The following RPS6KC1 variants were observed in gnomAD, a reference collection of about 807,000 sequenced individuals.
The protein encoded by RPS6KC1 is inactive ribosomal protein S6 kinase delta-1.
Under a neutral mutation model 103.8 loss-of-function variants are expected in RPS6KC1, and 54 were observed. The observed-to-expected ratio is 0.52, with a 90% CI of 0.42 to 0.65. The LOEUF (loss-of-function observed/expected upper bound fraction) is 0.65, where lower values mean the gene tolerates loss of function less well. Among genes scored for constraint, RPS6KC1 ranks in the 30% least tolerant of loss-of-function variants. RPS6KC1 has a pLI of 0.00. For synonymous variants in RPS6KC1, 439 were observed against 438.7 expected (o/e 1.00, Z -0.01); for missense variants, 1,151 against 1,253.8 (o/e 0.92, Z 1.24).
chr1:213,765,932 A>G, the RPS6KC1 span, among the ~76,000 whole-genome samples: 1 of 152,172 alleles, frequency 6.6e-6, no homozygotes, highest in East Asian at 1.9e-4. Context: ...AGGACACTGT[A>G]GAGTTTCTGT....
At chr1:213,732,235 C>A in the RPS6KC1 span, among the ~76,000 whole-genome samples, 1 of 152,080 alleles carries the variant, frequency 6.6e-6, no homozygotes, top group Non-Finnish European at 1.5e-5. Context: ...GAGGAGAGGA[C>A]AACATTTTCC....
At chr1:213,603,993 C>T in the RPS6KC1 span, among the ~76,000 whole-genome samples, 5 of 152,244 alleles carry the variant, frequency 3.3e-5, no homozygotes, top group Non-Finnish European at 5.9e-5. Context: ...TCTCCTATGA[C>T]TTTGGTCTGT....
chr1:213,462,282 AAAT>A, the RPS6KC1 span, among the ~76,000 whole-genome samples: 1 of 152,240 alleles, frequency 6.6e-6, no homozygotes, highest in African/African-American at 2.4e-5. Context: ...GGATGTGGAG[AAAT>A]AGGAATGCTT....
intron 4 of RPS6KC1, among the ~76,000 whole-genome samples, chr1:213,113,856 G>T (rs1312977481): frequency 2.0e-5 from 3 of 152,118 alleles, no homozygotes; most frequent in Non-Finnish European, 4.4e-5. Flanking sequence ...GTTTGTCAAA[G>T]ATCAGATAGT....
the RPS6KC1 span, among the ~76,000 whole-genome samples, chr1:213,288,686 T>C: frequency 6.6e-6 from 1 of 152,162 alleles, no homozygotes; most frequent in African/African-American, 2.4e-5. Flanking sequence ...TTTCAGTGAG[T>C]TTCTTTCCTT....
At chr1:213,390,478 G>A in the RPS6KC1 span, among the ~76,000 whole-genome samples, 1 of 152,250 alleles carries the variant, frequency 6.6e-6, no homozygotes. Flanking sequence ...ATGTAGGCAC[G>A]AGAGAGGCTT....
the RPS6KC1 span, among the ~76,000 whole-genome samples, chr1:213,770,348 A>C: frequency 1.3e-4 from 20 of 152,292 alleles, no homozygotes; most frequent in African/African-American, 4.8e-4. Context: ...TGTGTTTTAC[A>C]ACACTGATTG....
At chr1:213,741,924 C>T in the RPS6KC1 span, among the ~76,000 whole-genome samples, 1 of 152,040 alleles carries the variant, frequency 6.6e-6, no homozygotes, top group Non-Finnish European at 1.5e-5. Context: ...CCATTATAGA[C>T]AAGAGTCTAA....
chr1:213,546,635 T>C, the RPS6KC1 span, among the ~76,000 whole-genome samples: 1 of 152,166 alleles, frequency 6.6e-6, no homozygotes, highest in Non-Finnish European at 1.5e-5. Flanking sequence ...TTTGGCAGTG[T>C]GCCCAGCTGA....
chr1:213,284,574 GA>G, the RPS6KC1 span, among the ~76,000 whole-genome samples: 1 of 151,784 alleles, frequency 6.6e-6, no homozygotes, highest in Non-Finnish European at 1.5e-5. Context: ...AATATAAGTT[GA>G]AAAGGAATTT....
intron 6 of RPS6KC1, among the ~76,000 whole-genome samples, chr1:213,140,673 C>T (rs2086908238): frequency 6.6e-6 from 1 of 152,010 alleles, no homozygotes; most frequent in South Asian, 2.1e-4. Flanking sequence ...ACCTTACATC[C>T]CAGAAATAAA....
the RPS6KC1 span, among the ~76,000 whole-genome samples, chr1:213,514,289 T>C: frequency 6.6e-6 from 1 of 152,148 alleles, no homozygotes; most frequent in Non-Finnish European, 1.5e-5. Flanking sequence ...TGCAGGTTTG[T>C]TACATATGTA....
chr1:213,297,257 T>G, the RPS6KC1 span, among the ~76,000 whole-genome samples: 16 of 152,166 alleles, frequency 1.1e-4, no homozygotes, highest in Admixed American at 1.0e-3. Context: ...TTCACTTAGA[T>G]GATGACTGAA....
chr1:213,094,092 C>CT (rs887545882), intron 3 of RPS6KC1, among the ~76,000 whole-genome samples: 18 of 151,746 alleles, frequency 1.2e-4, no homozygotes, highest in African/African-American at 3.9e-4. Flanking sequence ...TGCTCCCCCC[C>CT]CCCACCAAGA....
At chr1:213,363,686 CTTTCT>C in the RPS6KC1 span, among the ~76,000 whole-genome samples, 10 of 102,936 alleles carry the variant, frequency 9.7e-5, no homozygotes, top group East Asian at 1.7e-3. Flanking sequence ...TTCTTTCTTT[CTTTCT>C]TTCTTTCTTT....
chr1:213,304,130 C>T, the RPS6KC1 span, among the ~76,000 whole-genome samples: 5 of 147,400 alleles, frequency 3.4e-5, no homozygotes, highest in South Asian at 6.5e-4. Context: ...GGCGTGAACC[C>T]GGGAGGCGGA....
At chr1:213,262,085 T>C (rs113150814) in intron 13 of RPS6KC1, among the ~76,000 whole-genome samples, 1 of 152,196 alleles carries the variant, frequency 6.6e-6, no homozygotes. Flanking sequence ...ATTTTTCCTA[T>C]CTGTTCTAGC....
the RPS6KC1 span, among the ~76,000 whole-genome samples, chr1:213,549,703 T>C: frequency 6.7e-6 from 1 of 150,256 alleles, no homozygotes; most frequent in Non-Finnish European, 1.5e-5. Flanking sequence ...TCTTCTTTGT[T>C]GGTTTCAGCA....
chr1:213,282,054 C>T, the RPS6KC1 span, among the ~76,000 whole-genome samples: 202 of 152,312 alleles, frequency 1.3e-3, 1 homozygote, highest in African/African-American at 4.6e-3. Flanking sequence ...GGTTGCTATT[C>T]CAGGACCCAG....
Sources: gnomAD v4.1 joint callset for allele counts (sites outside exome capture counted in the v4.1 genomes callset) on GRCh38, gnomAD v4.1.1 for gene constraint, MANE v1.5 for transcripts, NCBI Gene and HGNC (gene_info 2026-07-23, HGNC 2026-07-21) for gene names.